Variants in PARD3 observed in about 807,000 individuals in gnomAD.
PARD3 encodes the protein partitioning defective 3 homolog.
A neutral mutation model predicts 155.4 loss-of-function variants in PARD3; 75 were observed. That is an observed-to-expected ratio of 0.48 (90% CI 0.40 to 0.58). The LOEUF is 0.58. Among genes scored for constraint, PARD3 ranks in the 20% least tolerant of loss-of-function variants. The pLI, the probability that PARD3 is intolerant of heterozygous loss-of-function variation, is 0.00. For synonymous variants in PARD3, 576 were observed against 610.5 expected, an observed-to-expected ratio of 0.94 and a Z score of 0.83; for missense variants, 1,642 against 1,721.7, an observed-to-expected ratio of 0.95 and a Z score of 0.82.
intron 5 of PARD3, among the ~76,000 whole-genome samples, chr10:34,445,581 T>C (rs2076694892): frequency 1.3e-5 from 2 of 152,160 alleles, no homozygotes; most frequent in Admixed American, 1.3e-4. Flanking sequence ...AGCTCGGTCT[T>C]TGGTGTGTGT....
At chr10:34,232,168 T>A (rs1365851700) in intron 22 of PARD3, among the ~76,000 whole-genome samples, 1 of 152,112 alleles carries the variant, frequency 6.6e-6, no homozygotes, top group Non-Finnish European at 1.5e-5. Flanking sequence ...GTCTTATAGG[T>A]ATTCAATAGC....
chr10:34,547,904 C>A (rs1429491627), intron 2 of PARD3, among the ~76,000 whole-genome samples: 2 of 152,144 alleles, frequency 1.3e-5, no homozygotes, highest in African/African-American at 4.8e-5. Flanking sequence ...AAAAAATTCC[C>A]CATGATGTCA....
chr10:34,386,622 A>G (rs1842370925), intron 7 of PARD3, among the ~76,000 whole-genome samples: 1 of 152,126 alleles, frequency 6.6e-6, no homozygotes, highest in African/African-American at 2.4e-5. Flanking sequence ...CAGGAGTTCA[A>G]TACCAGACTG....
At chr10:34,261,843 A>ACAC (rs1564528580) in intron 22 of PARD3, among the ~76,000 whole-genome samples, 2 of 147,558 alleles carry the variant, frequency 1.4e-5, no homozygotes, top group African/African-American at 5.2e-5. Flanking sequence ...CAAACAAACA[A>ACAC]ACACACACAC....
intron 2 of PARD3, among the ~76,000 whole-genome samples, chr10:34,609,556 G>A (rs1242752847): frequency 6.6e-6 from 1 of 152,052 alleles, no homozygotes; most frequent in Non-Finnish European, 1.5e-5. Context: ...CTTTTTGTTT[G>A]TTTAGAGACA....
At chr10:34,814,821 T>TCCCGGCGCCGTC (rs1844702885) in intron 1 of PARD3, 55 bp downstream of exon 1, 3 of 1,297,538 alleles carry the variant, frequency 2.3e-6, no homozygotes, top group East Asian at 6.0e-5. Flanking sequence ...GCCATATTGA[T>TCCCGGCGCCGTC]CCCGGCGCCG....
At chr10:34,754,844 A>G (rs1156258692) in intron 1 of PARD3, among the ~76,000 whole-genome samples, 1 of 152,224 alleles carries the variant, frequency 6.6e-6, no homozygotes, top group Non-Finnish European at 1.5e-5. Flanking sequence ...ATTTATGAGT[A>G]ACTAATAACA....
intron 2 of PARD3, among the ~76,000 whole-genome samples, chr10:34,652,148 T>G (rs1389573456): frequency 1.3e-5 from 2 of 152,176 alleles, no homozygotes; most frequent in African/African-American, 2.4e-5. Context: ...CAAGTGATTC[T>G]CCCACCTCAG....
chr10:34,517,669 C>T (rs1017105453), intron 2 of PARD3, among the ~76,000 whole-genome samples: 7 of 152,096 alleles, frequency 4.6e-5, no homozygotes, highest in African/African-American at 1.7e-4. Flanking sequence ...ATTTGTTTCT[C>T]TTTAGCAATT....
chr10:34,311,318 T>C (rs1207764490), intron 20 of PARD3, among the ~76,000 whole-genome samples: 1 of 152,120 alleles, frequency 6.6e-6, no homozygotes, highest in Admixed American at 6.6e-5. Flanking sequence ...CCCAGGCTCG[T>C]CTCGAACTCC....
chr10:34,327,791 C>T (rs950496318), intron 19 of PARD3, among the ~76,000 whole-genome samples: 1 of 152,102 alleles, frequency 6.6e-6, no homozygotes, highest in African/African-American at 2.4e-5. Flanking sequence ...GGGGATGTGG[C>T]TTTTTAATTT....
chr10:34,169,853 A>T (rs1273679212), intron 22 of PARD3, among the ~76,000 whole-genome samples: 1 of 152,186 alleles, frequency 6.6e-6, no homozygotes, highest in Non-Finnish European at 1.5e-5. Flanking sequence ...AATGATGGCC[A>T]CAGGGGGCCA....
intron 3 of PARD3, among the ~76,000 whole-genome samples, chr10:34,487,556 G>A (rs973796402): frequency 6.6e-6 from 1 of 151,806 alleles, no homozygotes; most frequent in Non-Finnish European, 1.5e-5. Flanking sequence ...AAAAAAAAGG[G>A]TTTTCTACCA....
intron 3 of PARD3, among the ~76,000 whole-genome samples, chr10:34,509,016 A>G (rs964701695): frequency 1.3e-5 from 2 of 152,220 alleles, no homozygotes; most frequent in Admixed American, 1.3e-4. Context: ...CCAGTGTCCA[A>G]GATGGTGTGA....
intron 24 of PARD3, 124 bp from the exon 25 acceptor site, chr10:34,111,686 C>G (rs1339392430): frequency 1.3e-6 from 1 of 785,624 alleles, no homozygotes; most frequent in Non-Finnish European, 2.0e-6. Context: ...TCTCTCATCA[C>G]ATGCCAGACA....
Position 34,415,751 on chromosome 10 carries a change from GC to G in PARD3, c.715-13835del, listed in dbSNP as rs559899789. Among the ~76,000 whole-genome samples, 326 of 152,248 alleles carry G rather than the reference GC, an allele frequency of 2.1e-3. 1 individual carries two copies. The highest frequency in any genetic ancestry group is 6.7e-3 in the African/African-American group (277 of 41,546). On this transcript the variant is annotated intron_variant, in intron 5 of 24. Transcript: ENST00000374788. Reference sequence around the variant, plus strand: ...TGGGGTGCAGTGTATAGGTGGCATTGCACCCCCAAATCTACCCATCAACAAA... The same window carrying G: ...TGGGGTGCAGTGTATAGGTGGCATTGACCCCCAAATCTACCCATCAACAAA...
At chr10:34,756,477 TAAAAAAAAAAA>T (rs34468358) in intron 1 of PARD3, among the ~76,000 whole-genome samples, 1 of 83,274 alleles carries the variant, frequency 1.2e-5, no homozygotes, top group Non-Finnish European at 2.1e-5. Context: ...TTTTTTCTTA[TAAAAAAAAAAA>T]AAAAAAAAAA....
chr10:34,500,391 A>G (rs956778824), intron 3 of PARD3, among the ~76,000 whole-genome samples: 3 of 152,246 alleles, frequency 2.0e-5, no homozygotes, highest in African/African-American at 7.2e-5. Flanking sequence ...ATGAAGACTC[A>G]TTAGAACCAA....
intron 2 of PARD3, among the ~76,000 whole-genome samples, chr10:34,579,126 C>T (rs529538915): frequency 2.4e-4 from 37 of 152,176 alleles, no homozygotes; most frequent in Admixed American, 3.3e-4. Context: ...AAAACTTAGA[C>T]GGGCATGGTG....
Sources: allele counts gnomAD v4.1 joint callset (sites outside exome capture counted in the v4.1 genomes callset), GRCh38; gene constraint gnomAD v4.1.1; transcripts MANE v1.5; gene names NCBI Gene and HGNC (gene_info 2026-07-23, HGNC 2026-07-21).